The following ZNF436 variants were observed in gnomAD, a reference collection of about 807,000 sequenced individuals.
ZNF436 encodes the protein DNA-binding protein.
Under a neutral mutation model 41.9 loss-of-function variants are expected in ZNF436, and 22 were observed. That is an observed-to-expected ratio of 0.53 (90% CI 0.38 to 0.75). The LOEUF is 0.75. Ranked by LOEUF, ZNF436 falls within the 30% of genes least tolerant of loss-of-function variation. The probability of loss-of-function intolerance (pLI) is 0.00; values close to 1 mark genes in which losing one functional copy is unlikely to be tolerated. For missense variants in ZNF436, 506 were observed against 587.3 expected, an observed-to-expected ratio of 0.86 and a Z score of 1.43; for synonymous variants, 217 against 197.8, an observed-to-expected ratio of 1.10 and a Z score of -0.82.
chr1:23,368,284 T>C, intron 1 of ZNF436: 1 of 441,882 alleles, frequency 2.3e-6, no homozygotes, highest in East Asian at 4.0e-5. Flanking sequence ...GCTGGGTCCC[T>C]CCCGCGCCGG....
intron 1 of ZNF436, chr1:23,368,335 C>T: frequency 1.3e-5 from 4 of 318,314 alleles, no homozygotes; most frequent in Non-Finnish European, 2.4e-5. Flanking sequence ...GTGCTCAGCT[C>T]AGCCCAGGGA....
intron 3 of ZNF436, 38 bp downstream of exon 3, chr1:23,367,004 A>G (rs933849157): frequency 1.3e-6 from 2 of 1,591,882 alleles, no homozygotes; most frequent in Non-Finnish European, 1.7e-6. Context: ...CACGATCTCA[A>G]AAACGTGGAG....
At position 23,361,918 on chromosome 1, in the gene ZNF436, A is replaced by T; in HGVS notation, c.*51T>A. ...GTCTTGAGGGCGTTCATTGATATCA[A>T]ATAAAATTGTATCTTCAAATGAATC... On this transcript the variant is annotated 3_prime_UTR_variant, in exon 4 of 4. Coordinates refer to ENST00000314011, the MANE Select transcript of ZNF436 (RefSeq NM_001077195.2). 1 of 1,522,792 alleles carries T rather than the reference A, an allele frequency of 6.6e-7. No individual in the cohort carries two copies. The allele number at this position is 1,522,792 out of a possible 1,614,324, so 94.3% of individuals were successfully genotyped here.
chr1:23,368,428 C>A lies in ZNF436; in HGVS notation c.-60-363G>T, dbSNP rs1210855221. On this transcript the variant is annotated intron_variant, in intron 1 of 3. Coordinates refer to ENST00000314011, the MANE Select transcript of ZNF436 (RefSeq NM_001077195.2). Reference sequence around the variant, plus strand: ...CAGCGAGCGAAGTTCGTGAACCACTCTGCCAATCAGAGGCGGAACACTATG... The same window carrying A: ...CAGCGAGCGAAGTTCGTGAACCACTATGCCAATCAGAGGCGGAACACTATG... The A allele has an allele frequency of 2.2e-5, 4 of 184,482 alleles. No individual in the cohort carries two copies. The Admixed American group carries it at 2.3e-4, about 10-fold the overall frequency. The allele number at this position is 184,482 out of a possible 1,614,324, so 11.4% of individuals were successfully genotyped here.
At position 23,369,585 on chromosome 1, in the gene ZNF436, C is replaced by T. The variant is rs1330363627; in HGVS notation, c.-280G>A. 1.5e-5 allele frequency: 8 copies of T among 532,158 alleles called. No individual in the cohort carries two copies. The highest frequency in any genetic ancestry group is 1.1e-4 in the South Asian group (8 of 71,542). The allele number at this position is 532,158 out of a possible 1,614,324, so 33.0% of individuals were successfully genotyped here. On this transcript the variant is annotated 5_prime_UTR_variant, in exon 1 of 4. Transcript: ENST00000314011. ...GGCTGATCCTAAAGACTCAGATTCC[C>T]GAGGCCTCAGACTCGCAGGCAGCTC...
intron 3 of ZNF436, 52 bp from the exon 4 acceptor site, chr1:23,363,273 T>C: frequency 6.6e-7 from 1 of 1,510,748 alleles, no homozygotes; most frequent in Non-Finnish European, 8.9e-7. Flanking sequence ...TTACCTATTG[T>C]GTGCCAGGCA....
chr1:23,366,466 G>GA (rs1211495241), intron 3 of ZNF436, among the ~76,000 whole-genome samples: 77 of 151,246 alleles, frequency 5.1e-4, no homozygotes, highest in Admixed American at 4.6e-3. Context: ...TGCAGACCAT[G>GA]AAAAAAAAAT....
chr1:23,368,713 G>T (rs1346575073), intron 1 of ZNF436, among the ~76,000 whole-genome samples: 1 of 152,228 alleles, frequency 6.6e-6, no homozygotes, highest in African/African-American at 2.4e-5. Context: ...AGCTTCTCTT[G>T]AGTCGGGCCT....
intron 3 of ZNF436, among the ~76,000 whole-genome samples, chr1:23,366,768 TG>T (rs1638366305): frequency 6.6e-6 from 1 of 152,234 alleles, no homozygotes; most frequent in Non-Finnish European, 1.5e-5. Context: ...CAGACCTGTT[TG>T]GTCAGTGATC....
At chr1:23,365,189 C>T (rs1182331862) in intron 3 of ZNF436, among the ~76,000 whole-genome samples, 3 of 150,784 alleles carry the variant, frequency 2.0e-5, no homozygotes, top group African/African-American at 4.9e-5. Flanking sequence ...GTCAGGAGAT[C>T]GAGACCATCC....
At chr1:23,368,129 G>C in intron 1 of ZNF436, 64 bp from the exon 2 acceptor site, 1 of 1,142,364 alleles carries the variant, frequency 8.8e-7, no homozygotes, top group Non-Finnish European at 1.3e-6. Context: ...CCCCAGGGCT[G>C]GAGTTCTGGC....
At chr1:23,363,979 C>T (rs554570523) in intron 3 of ZNF436, among the ~76,000 whole-genome samples, 1 of 152,148 alleles carries the variant, frequency 6.6e-6, no homozygotes, top group East Asian at 1.9e-4. Context: ...GAGTTCAAGG[C>T]TGCAATAAGC....
Position 23,369,636 on chromosome 1 carries a change from C to A in ZNF436, c.-331G>T, listed in dbSNP as rs760941839. 3.9e-6 allele frequency: 2 copies of A among 506,462 alleles called. No homozygotes were observed. The highest frequency in any genetic ancestry group is 2.1e-5 in the Admixed American group (1 of 48,592). The allele number at this position is 506,462 out of a possible 1,614,324, so 31.4% of individuals were successfully genotyped here. On this transcript the variant is annotated 5_prime_UTR_variant, in exon 1 of 4. Transcript: ENST00000314011. ...AGAAACCACAGGCTCATAGGCAGAT[C>A]CCTGAGACCACAGAGGCTGGCCGAG...
intron 3 of ZNF436, 116 bp from the exon 4 acceptor site, chr1:23,363,337 G>T: frequency 2.5e-6 from 2 of 798,218 alleles, no homozygotes; most frequent in South Asian, 3.8e-5. Flanking sequence ...TGCCTTGGCT[G>T]GAGTGCAGTG....
chr1:23,366,187 G>C (rs1045247668), intron 3 of ZNF436, among the ~76,000 whole-genome samples: 1 of 152,124 alleles, frequency 6.6e-6, no homozygotes, highest in Non-Finnish European at 1.5e-5. Flanking sequence ...AAGAAACTAG[G>C]GACATCAGAG....
chr1:23,366,860 T>C (rs2148530864), intron 3 of ZNF436, among the ~76,000 whole-genome samples, 182 bp downstream of exon 3: 1 of 152,336 alleles, frequency 6.6e-6, no homozygotes, highest in East Asian at 1.9e-4. Context: ...GCAGTTTTTT[T>C]CTTTTTAGAC....
At chr1:23,365,278 C>T (rs1638333627) in intron 3 of ZNF436, among the ~76,000 whole-genome samples, 1 of 151,270 alleles carries the variant, frequency 6.6e-6, no homozygotes, top group South Asian at 2.1e-4. Flanking sequence ...CACCTGTAGT[C>T]CCAGCTACTC....
chr1:23,365,747 A>T (rs1016275570), intron 3 of ZNF436, among the ~76,000 whole-genome samples: 4 of 151,680 alleles, frequency 2.6e-5, no homozygotes, highest in East Asian at 1.9e-4. Context: ...TTAATTTAAA[A>T]TTTTTTAAAA....
intron 1 of ZNF436, 190 bp from the exon 2 acceptor site, chr1:23,368,255 C>G (rs1295955390): frequency 1.8e-6 from 1 of 540,724 alleles, no homozygotes; most frequent in African/African-American, 1.9e-5. Context: ...ATGCCGGAAT[C>G]TACTAGGACA....
Sources: gnomAD v4.1 joint callset for allele counts (sites outside exome capture counted in the v4.1 genomes callset) on GRCh38, gnomAD v4.1.1 for gene constraint, MANE v1.5 for transcripts, NCBI Gene and HGNC (gene_info 2026-07-23, HGNC 2026-07-21) for gene names.